Variants in SPPL3 observed in about 807,000 individuals in gnomAD.
SPPL3 encodes signal peptide peptidase-like 3.
In SPPL3, 5 loss-of-function variants were observed where a neutral mutation model predicts 42.4. That is an observed-to-expected ratio of 0.12 (90% confidence interval 0.06 to 0.25). The LOEUF is 0.25. SPPL3 is among the 10% of genes least tolerant of loss of function. The probability of loss-of-function intolerance (pLI) is 1.00; values close to 1 mark genes in which losing one functional copy is unlikely to be tolerated. For synonymous variants in SPPL3, 195 were observed against 181.8 expected (o/e 1.07, Z -0.58); for missense variants, 235 against 489.0 (o/e 0.48, Z 4.90).
chr12:120,768,679 T>G, intron 7 of SPPL3, 191 bp from the exon 8 acceptor site: 1 of 721,294 alleles, frequency 1.4e-6, no homozygotes, highest in Non-Finnish European at 2.2e-6. Flanking sequence ...CACCCAGAGA[T>G]TACTCCCTGA....
rs145212939 is a variant in SPPL3, at chr12:120,877,674, G to A, written c.23+26171C>T. Among the ~76,000 whole-genome samples the A allele has an allele frequency of 2.6e-4, 40 of 152,030 alleles. No homozygotes were observed. In the East Asian group the frequency reaches 2.7e-3, roughly 10 times the overall value. ...CAGGCACCTGGAGTCTCAGCTACTC[G>A]GGGGGCTGAGGCAGGAGAATCGCTT... On this transcript the variant is annotated intron_variant, in intron 1 of 10. Transcript: ENST00000353487.
intron 1 of SPPL3, chr12:120,903,571 C>A (rs1253836911): frequency 6.9e-6 from 3 of 436,996 alleles, no homozygotes; most frequent in Non-Finnish European, 1.2e-5. Context: ...GGTCATGCTC[C>A]CCTTCTCCAT....
At chr12:120,823,459 C>A (rs774140874) in intron 1 of SPPL3, among the ~76,000 whole-genome samples, 2 of 152,146 alleles carry the variant, frequency 1.3e-5, no homozygotes. Flanking sequence ...GATATCCCCG[C>A]TCCCCTTGCA....
At chr12:120,822,855 TAAATA>T (rs913573769) in intron 1 of SPPL3, among the ~76,000 whole-genome samples, 13 of 152,052 alleles carry the variant, frequency 8.5e-5, no homozygotes, top group Non-Finnish European at 1.8e-4. Flanking sequence ...CCAACTAGAA[TAAATA>T]CCTCTGGTCA....
intron 1 of SPPL3, among the ~76,000 whole-genome samples, chr12:120,839,630 A>G (rs1871740443): frequency 6.6e-6 from 1 of 152,224 alleles, no homozygotes; most frequent in South Asian, 2.1e-4. Context: ...CTCTGCAGCT[A>G]AATGATTTTT....
intron 1 of SPPL3, among the ~76,000 whole-genome samples, chr12:120,819,652 T>C (rs916205397): frequency 6.6e-6 from 1 of 152,192 alleles, no homozygotes; most frequent in African/African-American, 2.4e-5. Flanking sequence ...GCACAAGTGG[T>C]TTCCTCAAGA....
intron 1 of SPPL3, among the ~76,000 whole-genome samples, chr12:120,901,523 G>A (rs1180747621): frequency 6.6e-6 from 1 of 150,840 alleles, no homozygotes; most frequent in African/African-American, 2.4e-5. Flanking sequence ...CCCGGGAAGC[G>A]GAGGCTGCAG....
intron 1 of SPPL3, among the ~76,000 whole-genome samples, chr12:120,833,980 C>T (rs1216953089): frequency 6.6e-6 from 1 of 152,140 alleles, no homozygotes; most frequent in African/African-American, 2.4e-5. Context: ...AATAAGCATG[C>T]ATACAGGGTG....
intron 1 of SPPL3, among the ~76,000 whole-genome samples, chr12:120,888,295 C>T (rs1013498266): frequency 1.3e-5 from 2 of 152,018 alleles, no homozygotes; most frequent in African/African-American, 2.4e-5. Context: ...AGGCTGGTCT[C>T]GAACTCCTAA....
chr12:120,835,647 C>A (rs369849677), intron 1 of SPPL3: 1 of 152,208 alleles, frequency 6.6e-6, no homozygotes, highest in Non-Finnish European at 1.5e-5. Context: ...TCTTGAAAAA[C>A]AATATCCTTA....
At chr12:120,779,214 C>T (rs1172742270) in intron 6 of SPPL3, among the ~76,000 whole-genome samples, 4 of 152,222 alleles carry the variant, frequency 2.6e-5, no homozygotes, top group Non-Finnish European at 5.9e-5. Flanking sequence ...AACTTAGCTA[C>T]TCCAAACTTG....
At chr12:120,768,183 T>G (rs1868979442) in intron 8 of SPPL3, 142 bp downstream of exon 8, 4 of 1,096,226 alleles carry the variant, frequency 3.6e-6, no homozygotes, top group Non-Finnish European at 5.0e-6. Context: ...GCCAAGAATC[T>G]CATCCTCATT....
chr12:120,853,395 A>T (rs1434629304), intron 1 of SPPL3, among the ~76,000 whole-genome samples: 1 of 152,236 alleles, frequency 6.6e-6, no homozygotes, highest in Non-Finnish European at 1.5e-5. Flanking sequence ...AATTGCACTT[A>T]CTCATTCAAA....
chr12:120,781,268 C>T (rs1691499952), intron 6 of SPPL3, among the ~76,000 whole-genome samples: 1 of 152,022 alleles, frequency 6.6e-6, no homozygotes, highest in Non-Finnish European at 1.5e-5. Flanking sequence ...TATAGCCTAT[C>T]TGAAAGGCAA....
At chr12:120,780,011 G>A (rs1412413372) in intron 6 of SPPL3, among the ~76,000 whole-genome samples, 2 of 145,854 alleles carry the variant, frequency 1.4e-5, no homozygotes, top group African/African-American at 5.0e-5. Context: ...AAAAAAAAAA[G>A]AAGTGGAAAC....
intron 1 of SPPL3, among the ~76,000 whole-genome samples, chr12:120,886,009 C>T (rs1873446466): frequency 6.6e-6 from 1 of 151,926 alleles, no homozygotes; most frequent in Admixed American, 6.6e-5. Flanking sequence ...CATGTGCCAC[C>T]ATGCCCAGCT....
intron 1 of SPPL3, among the ~76,000 whole-genome samples, chr12:120,831,104 T>C (rs2137017905): frequency 6.6e-6 from 1 of 152,142 alleles, no homozygotes; most frequent in Non-Finnish European, 1.5e-5. Flanking sequence ...AGGTGAAACA[T>C]TCAACTTCGG....
intron 1 of SPPL3, among the ~76,000 whole-genome samples, chr12:120,865,817 G>C (rs149350074): frequency 6.6e-6 from 1 of 152,198 alleles, no homozygotes. Context: ...AAACTGGGCC[G>C]TACTGTAGGA....
chr12:120,840,303 A>G (rs971023520), intron 1 of SPPL3, among the ~76,000 whole-genome samples: 11 of 143,278 alleles, frequency 7.7e-5, no homozygotes, highest in East Asian at 4.3e-4. Context: ...AAAAAAAAAA[A>G]GCAGTAAAAT....
Sources: allele counts gnomAD v4.1 joint callset (sites outside exome capture counted in the v4.1 genomes callset), GRCh38; gene constraint gnomAD v4.1.1; transcripts MANE v1.5; gene names NCBI Gene and HGNC (gene_info 2026-07-23, HGNC 2026-07-21).